SEMG2: variants seen among roughly 807,000 people sequenced by gnomAD.
SEMG2 encodes semenogelin 2.
SEMG2 carries 3 observed loss-of-function variants against 8.1 expected under a neutral mutation model. That is an observed-to-expected ratio of 0.37 (90% CI 0.17 to 0.96). SEMG2 has a LOEUF of 0.96. SEMG2 is among the 40% of genes least tolerant of loss of function. The pLI, the probability that SEMG2 is intolerant of heterozygous loss-of-function variation, is 0.41. For missense variants in SEMG2, 726 were observed against 671.2 expected (o/e 1.08, Z -0.90); for synonymous variants, 252 against 231.4 (o/e 1.09, Z -0.81).
intron 1 of SEMG2, 65 bp downstream of exon 1, chr20:45,221,530 G>T (rs1984012339): frequency 6.4e-7 from 1 of 1,569,148 alleles, no homozygotes; most frequent in Non-Finnish European, 8.7e-7. Context: ...GGATATTCAG[G>T]GTGCAAACAG....
In SEMG2 at chr20:45,222,039, A is replaced by T; in HGVS notation, c.407A>T (p.His136Leu). The T allele has an allele frequency of 1.2e-6, 2 of 1,613,610 alleles. No individual in the cohort carries two copies. Residue 136 changes from histidine to leucine, a missense_variant, in exon 2 of 3, where the codon CAT (histidine) becomes CTT (leucine). His to Leu is a moderately conservative substitution (Grantham distance 99). Coordinates refer to ENST00000372769, the MANE Select transcript of SEMG2 (RefSeq NM_003008.3). ...IVIHHKGGQA[H>L]HGTQNPSQDQ... Reference sequence around the variant, plus strand: ...ATACATCATAAAGGAGGCCAAGCTCATCATGGGACACAAAATCCTTCTCAA... The same window carrying T: ...ATACATCATAAAGGAGGCCAAGCTCTTCATGGGACACAAAATCCTTCTCAA...
chr20:45,223,087 G>T lies in SEMG2; in HGVS notation c.1455G>T (p.Thr485=), dbSNP rs777875776. ...GACTCAACTATGGAGGAAAGAGCACGCAGAAAGATGTATCCCAAAGCAGTA... is the reference window on the plus strand; with the variant it reads ...GACTCAACTATGGAGGAAAGAGCACTCAGAAAGATGTATCCCAAAGCAGTA... ...ERRLNYGGKS[T]QKDVSQSSIS... is the part of the protein sequence containing the mutation. Residue 485 remains threonine (T), a synonymous_variant, in exon 2 of 3, where the codon ACG becomes ACT. Coordinates refer to ENST00000372769, the MANE Select transcript of SEMG2 (RefSeq NM_003008.3). The T allele has an allele frequency of 1.9e-6, 3 of 1,614,068 alleles. No individual in the cohort carries two copies. Among genetic ancestry groups the T allele is most frequent in the South Asian group, 2.2e-5 (2 of 91,070 alleles).
Position 45,223,318 on chromosome 20 carries a change from G to A in SEMG2, c.1686G>A (p.Glu562=), listed in dbSNP as rs1387753060. The change falls in exon 2 of 3, where the codon GAG becomes GAA. Residue 562 remains glutamate, a synonymous_variant. Transcript: ENST00000372769. ...ATAATATTGTAATTACTGAGCATGA[G>A]GTTGCCCAAGATGATCATTTGACAC... ...ESHNIVITEH[E]VAQDDHLTQQ... is the part of the protein sequence containing the mutation. The A allele has an allele frequency of 3.1e-6, 5 of 1,614,070 alleles. No homozygotes were observed. The highest frequency in any genetic ancestry group is 1.1e-5 in the South Asian group (1 of 91,054).
Position 45,223,151 on chromosome 20 carries a change from C to T in SEMG2, c.1519C>T (p.Gln507Ter), listed in dbSNP as rs139726931. 1,261 of 1,613,908 alleles carry T rather than the reference C, an allele frequency of 7.8e-4. 2 individuals carry two copies. The highest frequency in any genetic ancestry group is 9.9e-4 in the Non-Finnish European group (1,170 of 1,179,970). ...TGAAAAGCTAGTAGAAGGCAAGTCT[C>T]AAATCCAGACACCAAATCCTAATCA... ...QIEKLVEGKS[Q>*]IQTPNPNQDQ... Residue 507 changes from glutamine to a stop codon, truncating the protein, a stop_gained, in exon 2 of 3, where the codon CAA becomes TAA. Coordinates refer to ENST00000372769, the MANE Select transcript of SEMG2 (RefSeq NM_003008.3). LOFTEE classifies it low-confidence loss of function (END_TRUNC).
Position 45,223,310 on chromosome 20 carries a change from G to A in SEMG2, c.1678G>A (p.Glu560Lys), listed in dbSNP as rs751015755. The A allele has an allele frequency of 6.2e-7, 1 of 1,614,108 alleles. No homozygotes were observed. The highest frequency in any genetic ancestry group is 8.5e-7 in the Non-Finnish European group (1 of 1,179,982). Residue 560 changes from glutamate (E) to lysine (K), a missense_variant, in exon 2 of 3, where the codon GAG becomes AAG. By Grantham distance (56) the Glu-to-Lys change is moderately conservative (BLOSUM62 1). Coordinates refer to ENST00000372769, the MANE Select transcript of SEMG2 (RefSeq NM_003008.3). ...TGAGTCACATAATATTGTAATTACT[G>A]AGCATGAGGTTGCCCAAGATGATCA... ...SSESHNIVIT[E>K]HEVAQDDHLT... is the part of the protein sequence containing the mutation.
At position 45,223,378 on chromosome 20, in the gene SEMG2, A is replaced by C. The variant is rs771981456; in HGVS notation, c.1746A>C (p.Thr582=). The C allele has an allele frequency of 2.5e-6, 4 of 1,603,668 alleles. No homozygotes were observed. The highest frequency in any genetic ancestry group is 2.6e-6 in the Non-Finnish European group (3 of 1,172,614). Residue 582 remains threonine (T), a synonymous_variant, in exon 2 of 3, where the codon ACA becomes ACC. Transcript: ENST00000372769. ...QYNEDRNPIS[T] The stretch of plus-strand genomic sequence containing the variant: ...ATGAAGACAGAAATCCAATATCTAC[A>C]TAGCCCTGTTGCTTAGCAACCACTT...
At position 45,221,816 on chromosome 20, in the gene SEMG2, A is replaced by C. The variant is rs1474276643; in HGVS notation, c.184A>C (p.Ser62Arg). 19 of 1,614,074 alleles carry C rather than the reference A, an allele frequency of 1.2e-5. No homozygotes were observed. The highest frequency in any genetic ancestry group is 1.4e-5 in the Non-Finnish European group (17 of 1,180,008). ...KDQQHTKSKG[S>R]FSIQHTYHVD... is the part of the protein sequence containing the mutation. The stretch of plus-strand genomic sequence containing the variant: ...CCAACAACATACTAAATCCAAAGGC[A>C]GTTTTTCTATTCAACACACATATCA... The change falls in exon 2 of 3, where the codon AGT (serine) becomes CGT (arginine). Residue 62 changes from serine (S) to arginine (R), a missense_variant. Coordinates refer to ENST00000372769, the MANE Select transcript of SEMG2 (RefSeq NM_003008.3).
chr20:45,223,101 C>G lies in SEMG2; in HGVS notation c.1469C>G (p.Ser490Cys). The change falls in exon 2 of 3, where the codon TCC becomes TGC. Residue 490 changes from serine to cysteine, a missense_variant. Transcript: ENST00000372769. ...GGAAAGAGCACGCAGAAAGATGTATCCCAAAGCAGTATTTCTTTCCAAATT... is the reference window on the plus strand; with the variant it reads ...GGAAAGAGCACGCAGAAAGATGTATGCCAAAGCAGTATTTCTTTCCAAATT... The part of the protein sequence containing the change: ...YGGKSTQKDV[S>C]QSSISFQIEK... 6.2e-7 allele frequency: 1 copy of G among 1,614,098 alleles called. No homozygotes were observed.
chr20:45,222,083 T>C lies in SEMG2; in HGVS notation c.451T>C (p.Ser151Pro). The change falls in exon 2 of 3, where the codon TCT (serine) becomes CCT (proline). Residue 151 changes from serine (S) to proline (P), a missense_variant. Coordinates refer to ENST00000372769, the MANE Select transcript of SEMG2 (RefSeq NM_003008.3). ...TTCTCAAGATCAGGGGAATAGCCCA[T>C]CTGGAAAGGGATTATCCAGTCAATG... is the stretch of plus-strand genomic sequence containing the variant. ...NPSQDQGNSP[S>P]GKGLSSQCSN... The C allele has an allele frequency of 6.2e-7, 1 of 1,613,972 alleles. No individual in the cohort carries two copies. Among genetic ancestry groups the C allele is most frequent in the South Asian group, 1.1e-5 (1 of 91,020 alleles).
At position 45,221,884 on chromosome 20, in the gene SEMG2, AT is replaced by A; in HGVS notation, c.253del (p.Tyr85MetfsTer3). On this transcript the variant is annotated frameshift_variant, in exon 2 of 3. Transcript: ENST00000372769. LOFTEE classifies it low-confidence loss of function (END_TRUNC). ...DHDWTRKSQQ[Y>X]DLNALHKATK... ...ATGACTGGACCCGAAAAAGTCAGCA[AT>A]ATGATTTGAATGCCCTACATAAGGC... The A allele has an allele frequency of 6.2e-7, 1 of 1,613,910 alleles. No individual in the cohort carries two copies. The highest frequency in any genetic ancestry group is 8.5e-7 in the Non-Finnish European group (1 of 1,179,966).
intron 1 of SEMG2, 62 bp from the exon 2 acceptor site, chr20:45,221,647 G>A (rs1984014779): frequency 6.9e-7 from 1 of 1,449,070 alleles, no homozygotes; most frequent in Non-Finnish European, 9.4e-7. Flanking sequence ...AAGGTGGGAG[G>A]TAAGAGTTGC....
chr20:45,221,997 A>T lies in SEMG2; in HGVS notation c.365A>T (p.His122Leu), dbSNP rs763781475. ...AGAGACCATGATAAATCAAAAGGTC[A>T]TTTTCACATGATAGTTATACATCAT... Reference protein sequence around the residue: ...EGRDHDKSKGHFHMIVIHHKG... With the variant: ...EGRDHDKSKGLFHMIVIHHKG... The change falls in exon 2 of 3, where the codon CAT becomes CTT. Residue 122 changes from histidine to leucine, a missense_variant. By Grantham distance (99) the His-to-Leu change is moderately conservative. Transcript: ENST00000372769. 6.2e-7 allele frequency: 1 copy of T among 1,614,150 alleles called. No homozygotes were observed. Among genetic ancestry groups the T allele is most frequent in the South Asian group, 1.1e-5 (1 of 91,044 alleles).
At chr20:45,223,549 G>A (rs1984076398) in intron 2 of SEMG2, 124 bp downstream of exon 2, 1 of 512,272 alleles carries the variant, frequency 2.0e-6, no homozygotes. Flanking sequence ...CAAGTGGTGG[G>A]AAGATGAACA....
Position 45,222,947 on chromosome 20 carries a change from G to T in SEMG2, c.1315G>T (p.Glu439Ter), listed in dbSNP as rs1984058284. The change falls in exon 2 of 3, where the codon GAA becomes TAA. Residue 439 changes from glutamate (E) to a stop codon, truncating the protein, a stop_gained. Transcript: ENST00000372769. LOFTEE classifies it low-confidence loss of function (END_TRUNC). ...VSKGSISIQTEEKIHGKSQNQ... is the reference protein window; with the variant it reads ...VSKGSISIQT ...CAAAGGCAGTATTTCTATCCAAACT[G>T]AAGAGAAAATACATGGCAAGTCTCA... 6.2e-7 allele frequency: 1 copy of T among 1,613,534 alleles called. No individual in the cohort carries two copies.
chr20:45,222,331 A>G lies in SEMG2; in HGVS notation c.699A>G (p.Lys233=). 1.2e-6 allele frequency: 2 copies of G among 1,614,124 alleles called. No homozygotes were observed. The highest frequency in any genetic ancestry group is 1.3e-5 in the African/African-American group (1 of 75,052). ...ACGTGAGAGAGGAACATTCAAGTAA[A>G]CTACAAACTTCACTCCATCCTGCAC... ...VVDVREEHSS[K]LQTSLHPAHQ... The change falls in exon 2 of 3, where the codon AAA becomes AAG. Residue 233 remains lysine (K), a synonymous_variant. Coordinates refer to ENST00000372769, the MANE Select transcript of SEMG2 (RefSeq NM_003008.3).
In SEMG2 at chr20:45,222,159, C is replaced by T. The variant is rs2233899; in HGVS notation, c.527C>T (p.Ala176Val). 1.6e-4 allele frequency: 254 copies of T among 1,614,172 alleles called. 1 individual carries two copies. In the African/African-American group the frequency reaches 3.2e-3, roughly 20 times the overall value. The change falls in exon 2 of 3, where the codon GCT (alanine) becomes GTT (valine). Residue 176 changes from alanine to valine, a missense_variant. By Grantham distance (64) the Ala-to-Val change is moderately conservative. Transcript: ENST00000372769. ...GTTCATGGACTAAGTAAAGAACAAGCTTCAGCCTCTGGTGCACAAAAAGGT... is the reference window on the plus strand; with the variant it reads ...GTTCATGGACTAAGTAAAGAACAAGTTTCAGCCTCTGGTGCACAAAAAGGT... ...LWVHGLSKEQ[A>V]SASGAQKGRT...
At position 45,222,745 on chromosome 20, in the gene SEMG2, A is replaced by T; in HGVS notation, c.1113A>T (p.Lys371Asn). ...AGGGCATCCAGAAAGGTGTATCCAA[A>T]GGCAGTATTTCGATCCAAACTGAAG... ...GEKGIQKGVS[K>N]GSISIQTEEQ... Residue 371 changes from lysine to asparagine, a missense_variant, in exon 2 of 3, where the codon AAA (lysine) becomes AAT (asparagine). Lys to Asn is a moderately conservative substitution (Grantham distance 94). Transcript: ENST00000372769. 6.2e-7 allele frequency: 1 copy of T among 1,614,104 alleles called. No individual in the cohort carries two copies. The highest frequency in any genetic ancestry group is 8.5e-7 in the Non-Finnish European group (1 of 1,180,002).
rs140923429 is a variant in SEMG2, at chr20:45,221,909, G to A, written c.277G>A (p.Ala93Thr). Reference protein sequence around the residue: ...QQYDLNALHKATKSKQHLGGS... With the variant: ...QQYDLNALHKTTKSKQHLGGS... ...ATATGATTTGAATGCCCTACATAAG[G>A]CGACAAAATCAAAACAACACCTAGG... The change falls in exon 2 of 3, where the codon GCG becomes ACG. Residue 93 changes from alanine (A) to threonine (T), a missense_variant. Ala to Thr is a moderately conservative substitution (Grantham distance 58). Coordinates refer to ENST00000372769, the MANE Select transcript of SEMG2 (RefSeq NM_003008.3). 2,996 of 1,613,468 alleles carry A rather than the reference G, an allele frequency of 1.9e-3. 4 individuals are homozygous for A. Among genetic ancestry groups the A allele is most frequent in the Non-Finnish European group, 2.4e-3 (2,822 of 1,179,846 alleles).
Position 45,221,960 on chromosome 20 carries a change from A to G in SEMG2, c.328A>G (p.Lys110Glu). ...LGGSQQLLNY[K>E]QEGRDHDKSK... ...TGGAAGTCAACAACTGCTCAATTATAAACAAGAAGGCAGAGACCATGATAA... is the reference window on the plus strand; with the variant it reads ...TGGAAGTCAACAACTGCTCAATTATGAACAAGAAGGCAGAGACCATGATAA... The change falls in exon 2 of 3, where the codon AAA (lysine) becomes GAA (glutamate). Residue 110 changes from lysine to glutamate, a missense_variant. Coordinates refer to ENST00000372769, the MANE Select transcript of SEMG2 (RefSeq NM_003008.3). 6.2e-7 allele frequency: 1 copy of G among 1,613,682 alleles called. No individual in the cohort carries two copies. The highest frequency in any genetic ancestry group is 1.1e-5 in the South Asian group (1 of 90,876).
Sources: allele counts gnomAD v4.1 joint callset, GRCh38; gene constraint gnomAD v4.1.1; transcripts MANE v1.5; gene names NCBI Gene and HGNC (gene_info 2026-07-23, HGNC 2026-07-21).